Variants in DCP1A observed in about 807,000 individuals in gnomAD.
DCP1A encodes decapping mRNA 1A, also known as mRNA-decapping enzyme 1A.
A neutral mutation model predicts 58.0 loss-of-function variants in DCP1A; 20 were observed. The ratio of observed to expected loss-of-function variants is 0.34; its 90% confidence interval spans 0.24 to 0.50. The LOEUF (loss-of-function observed/expected upper bound fraction) is 0.50, where lower values mean the gene tolerates loss of function less well. Ranked by LOEUF, DCP1A falls within the 20% of genes least tolerant of loss-of-function variation. The probability of loss-of-function intolerance (pLI) is 0.98; values close to 1 mark genes in which losing one functional copy is unlikely to be tolerated. For synonymous variants in DCP1A, 285 were observed against 275.1 expected (o/e 1.04, Z -0.36); for missense variants, 613 against 712.2 (o/e 0.86, Z 1.59).
intron 4 of DCP1A, among the ~76,000 whole-genome samples, chr3:53,312,949 CA>C (rs1707694969): frequency 6.6e-6 from 1 of 152,118 alleles, no homozygotes; most frequent in South Asian, 2.1e-4. Context: ...AGATGCATTA[CA>C]AACTCCACTA....
intron 3 of DCP1A, among the ~76,000 whole-genome samples, chr3:53,323,045 C>T (rs1029544364): frequency 2.0e-5 from 3 of 152,040 alleles, no homozygotes; most frequent in Non-Finnish European, 4.4e-5. Flanking sequence ...AGTATGGTCT[C>T]GATCTCCTGA....
chr3:53,308,696 T>G (rs1038328960), intron 5 of DCP1A, among the ~76,000 whole-genome samples: 1 of 152,130 alleles, frequency 6.6e-6, no homozygotes, highest in Non-Finnish European at 1.5e-5. Flanking sequence ...TGGGCTCAAG[T>G]GCTCCTCCCG....
intron 5 of DCP1A, among the ~76,000 whole-genome samples, chr3:53,308,853 G>A (rs539418288): frequency 2.0e-5 from 3 of 152,112 alleles, no homozygotes; most frequent in East Asian, 1.9e-4. Flanking sequence ...CTCCCACCTC[G>A]GCCTCCCAAG....
At chr3:53,328,569 G>C (rs1056893765) in intron 3 of DCP1A, among the ~76,000 whole-genome samples, 4 of 151,790 alleles carry the variant, frequency 2.6e-5, no homozygotes. Flanking sequence ...CACTACCTGA[G>C]GAGGAAAAAG....
intron 3 of DCP1A, among the ~76,000 whole-genome samples, chr3:53,323,802 C>A (rs150636862): frequency 0.15 from 22,140 of 144,848 alleles, 1,738 homozygotes; most frequent in Non-Finnish European, 0.18. Context: ...GCAGAGGTTG[C>A]AGTGAGCCGA....
At chr3:53,346,728 T>C (rs1263987697) in intron 1 of DCP1A, among the ~76,000 whole-genome samples, 4 of 152,164 alleles carry the variant, frequency 2.6e-5, no homozygotes, top group African/African-American at 9.7e-5. Context: ...GCATCATAGA[T>C]GGAACAAAAC....
Position 53,293,259 on chromosome 3 carries a change from G to A in DCP1A, c.625-432C>T, listed in dbSNP as rs542298488. On this transcript the variant is annotated intron_variant, in intron 6 of 9. Transcript: ENST00000610213. Reference sequence around the variant, plus strand: ...CTCAGAGACTGGGTCTCAAATATCAGAAAATAAATCTAGCCATTTAATAGT... The same window carrying A: ...CTCAGAGACTGGGTCTCAAATATCAAAAAATAAATCTAGCCATTTAATAGT... Among the ~76,000 whole-genome samples, 4 of 152,168 alleles carry A rather than the reference G, an allele frequency of 2.6e-5. No homozygotes were observed. In the South Asian group the frequency reaches 8.3e-4, roughly 32 times the overall value.
chr3:53,326,980 C>G (rs1013300590), intron 3 of DCP1A, among the ~76,000 whole-genome samples: 2 of 149,780 alleles, frequency 1.3e-5, no homozygotes, highest in Non-Finnish European at 3.0e-5. Context: ...TGTCCAACCC[C>G]CCCCCCCCAA....
At chr3:53,309,326 G>C (rs891559767) in intron 5 of DCP1A, among the ~76,000 whole-genome samples, 1 of 150,460 alleles carries the variant, frequency 6.6e-6, no homozygotes, top group African/African-American at 2.5e-5. Flanking sequence ...AGTCGAGATC[G>C]CGCCACTGCA....
intron 5 of DCP1A, among the ~76,000 whole-genome samples, chr3:53,306,882 T>C (rs1350847987): frequency 6.6e-6 from 1 of 151,076 alleles, no homozygotes; most frequent in Non-Finnish European, 1.5e-5. Context: ...TTTCTTTTGC[T>C]ATTTTTTTGT....
intron 5 of DCP1A, among the ~76,000 whole-genome samples, chr3:53,306,617 A>C (rs978326110): frequency 6.6e-6 from 1 of 151,756 alleles, no homozygotes; most frequent in Non-Finnish European, 1.5e-5. Flanking sequence ...TAAAAGTACA[A>C]AAAATTAGCC....
rs532893620 is a variant in DCP1A at position 53,292,401 on chromosome 3, G to C, written c.1051C>G (p.Gln351Glu). 3.7e-6 allele frequency: 6 copies of C among 1,613,828 alleles called. No homozygotes were observed. The highest frequency in any genetic ancestry group is 1.1e-5 in the South Asian group (1 of 91,062). The change falls in exon 7 of 10, where the codon CAG (glutamine) becomes GAG (glutamate). Residue 351 changes from glutamine (Q) to glutamate (E), a missense_variant. This residue lies in a region of DCP1A where 498 missense variants were observed against 556.7 expected (regional missense o/e 0.89). Coordinates refer to ENST00000610213, the MANE Select transcript of DCP1A (RefSeq NM_018403.7). ...MMQAVKTTPR[Q>E]RSPLLNQPVP... is the part of the protein sequence containing the mutation. The stretch of plus-strand genomic sequence containing the variant: ...GGCTGGTTCAGGAGTGGAGACCTCT[G>C]TCTAGGCGTGGTCTTCACTGCCTGC...
At chr3:53,291,799 CTCAG>C (rs1222250182) in intron 7 of DCP1A, among the ~76,000 whole-genome samples, 3 of 152,100 alleles carry the variant, frequency 2.0e-5, no homozygotes, top group African/African-American at 4.8e-5. Context: ...TAATTTGGTC[CTCAG>C]TCAAATGAGG....
At chr3:53,311,018 T>TA (rs1483874155) in intron 5 of DCP1A, among the ~76,000 whole-genome samples, 1 of 152,222 alleles carries the variant, frequency 6.6e-6, no homozygotes, top group East Asian at 1.9e-4. Context: ...GAATTGGTGT[T>TA]ATTGTTTTAC....
intron 4 of DCP1A, among the ~76,000 whole-genome samples, chr3:53,316,363 T>A (rs1432134169): frequency 4.6e-5 from 7 of 152,206 alleles, no homozygotes; most frequent in African/African-American, 1.7e-4. Context: ...CATACAATAT[T>A]CTCTTCAGCT....
chr3:53,329,215 T>G (rs916885254), intron 3 of DCP1A: 3 of 394,998 alleles, frequency 7.6e-6, no homozygotes, highest in Non-Finnish European at 1.3e-5. Context: ...GCCCTTGAAC[T>G]GAGAAAGGAC....
chr3:53,312,471 A>G (rs1301476717), intron 4 of DCP1A, 92 bp from the exon 5 acceptor site: 17 of 1,116,320 alleles, frequency 1.5e-5, no homozygotes, highest in Non-Finnish European at 2.1e-5. Flanking sequence ...GGATACACTA[A>G]GAGTGTCACA....
chr3:53,317,835 T>G (rs935805321), intron 4 of DCP1A, among the ~76,000 whole-genome samples: 2 of 152,120 alleles, frequency 1.3e-5, no homozygotes, highest in Non-Finnish European at 2.9e-5. Context: ...GCCCTTGGGG[T>G]GTACACAAGT....
intron 5 of DCP1A, among the ~76,000 whole-genome samples, chr3:53,311,940 G>C (rs548080997): frequency 6.9e-6 from 1 of 145,572 alleles, no homozygotes; most frequent in African/African-American, 2.5e-5. Context: ...AAAATTGTAA[G>C]ACACATCTGT....
Sources: allele counts gnomAD v4.1 joint callset (sites outside exome capture counted in the v4.1 genomes callset), GRCh38; gene constraint gnomAD v4.1.1; regional missense constraint gnomAD v4.1.1; transcripts MANE v1.5; gene names NCBI Gene and HGNC (gene_info 2026-07-23, HGNC 2026-07-21).